Variants in DSCAM observed in about 807,000 individuals in gnomAD.
The protein encoded by DSCAM is DS cell adhesion molecule.
DSCAM carries 47 observed loss-of-function variants against 217.7 expected under a neutral mutation model. The ratio of observed to expected loss-of-function variants is 0.22; its 90% CI spans 0.17 to 0.28. DSCAM has a LOEUF of 0.28. Among genes scored for constraint, DSCAM ranks in the 10% least tolerant of loss-of-function variants. The probability of loss-of-function intolerance (pLI) is 1.00; values close to 1 mark genes in which losing one functional copy is unlikely to be tolerated. For synonymous variants in DSCAM, 1,056 were observed against 1,015.3 expected, an observed-to-expected ratio of 1.04 and a Z score of -0.76; for missense variants, 2,080 against 2,618.3, an observed-to-expected ratio of 0.79 and a Z score of 4.49.
chr21:40,117,001 C>CAAAAAAAAAAAAAAAAAAAA (rs534100380), intron 20 of DSCAM, among the ~76,000 whole-genome samples: 1 of 33,180 alleles, frequency 3.0e-5, no homozygotes, highest in African/African-American at 1.1e-4. Context: ...GACTCTGTCT[C>CAAAAAAAAAAAAAAAAAAAA]AAAAAAAAAA....
chr21:40,816,109 A>G (rs559649318), intron 1 of DSCAM, among the ~76,000 whole-genome samples: 4 of 152,328 alleles, frequency 2.6e-5, no homozygotes, highest in Non-Finnish European at 5.9e-5. Context: ...CAGCAAAATC[A>G]GTTTCTAAAA....
chr21:40,494,227 A>C (rs1004928066), intron 3 of DSCAM, among the ~76,000 whole-genome samples: 8 of 152,206 alleles, frequency 5.3e-5, no homozygotes, highest in Admixed American at 5.2e-4. Flanking sequence ...AAATGGATTA[A>C]ATTTTACAAC....
chr21:40,519,008 A>G (rs976358785), intron 3 of DSCAM, among the ~76,000 whole-genome samples: 4 of 152,146 alleles, frequency 2.6e-5, no homozygotes, highest in Admixed American at 2.0e-4. Context: ...TCATTTCTAA[A>G]TATACCAAGC....
In DSCAM at chr21:40,042,495, G is replaced by A. The variant is rs763398671; in HGVS notation, c.5562C>T (p.Tyr1854=). 6 of 1,614,090 alleles carry A rather than the reference G, an allele frequency of 3.7e-6. No individual in the cohort carries two copies. The highest frequency in any genetic ancestry group is 5.1e-6 in the Non-Finnish European group (6 of 1,180,048). The change falls in exon 32 of 33, where the codon TAC becomes TAT. Residue 1854 remains tyrosine, a synonymous_variant. Transcript: ENST00000400454. Reference sequence around the variant, plus strand: ...GGGTGCTGGAGGTCAGACTGTCCGTGTACTCATTTGTCCCTGCCGTCAACT... The same window carrying A: ...GGGTGCTGGAGGTCAGACTGTCCGTATACTCATTTGTCCCTGCCGTCAACT... ...SEQLTAGTNE[Y]TDSLTSSTPS...
rs185041170 is a variant in DSCAM at position 40,217,966 on chromosome 21, G to A, written c.2357-28728C>T. Among the ~76,000 whole-genome samples, 4 of 152,178 alleles carry A rather than the reference G, an allele frequency of 2.6e-5. No individual in the cohort carries two copies. The East Asian group carries it at 7.7e-4, about 29-fold the overall frequency. ...CATTCTGTAGGTTGTTTACTCTGTT[G>A]ATCATTTCTTTTGCTATGCAGAAGC... On this transcript the variant is annotated intron_variant, in intron 11 of 32. Coordinates refer to ENST00000400454, the MANE Select transcript of DSCAM (RefSeq NM_001389.5).
intron 11 of DSCAM, among the ~76,000 whole-genome samples, chr21:40,253,774 G>T (rs907694385): frequency 1.3e-5 from 2 of 152,266 alleles, no homozygotes; most frequent in Non-Finnish European, 2.9e-5. Flanking sequence ...CACAAGGCTG[G>T]AAGCTCCTGT....
At chr21:40,408,415 A>G (rs1241358351) in intron 3 of DSCAM, among the ~76,000 whole-genome samples, 2 of 152,140 alleles carry the variant, frequency 1.3e-5, no homozygotes, top group Non-Finnish European at 2.9e-5. Context: ...AAGGCTATTG[A>G]CAAACAATGT....
chr21:40,739,702 A>T (rs562359751), intron 1 of DSCAM, among the ~76,000 whole-genome samples: 2 of 152,268 alleles, frequency 1.3e-5, no homozygotes, highest in East Asian at 3.9e-4. Context: ...TAATTTTTTT[A>T]AAAGTACAGT....
intron 3 of DSCAM, among the ~76,000 whole-genome samples, chr21:40,405,452 T>C (rs558896449): frequency 1.3e-4 from 20 of 152,294 alleles, no homozygotes; most frequent in African/African-American, 4.6e-4. Flanking sequence ...GCAAATAATT[T>C]TTGTGTATTT....
intron 1 of DSCAM, among the ~76,000 whole-genome samples, chr21:40,813,989 G>A (rs1398761499): frequency 1.3e-5 from 2 of 152,052 alleles, no homozygotes; most frequent in Admixed American, 1.3e-4. Flanking sequence ...CTTTATGAGG[G>A]GTATGAGGCA....
chr21:40,167,388 T>C (rs2090609048), intron 15 of DSCAM, 100 bp from the exon 16 acceptor site: 1 of 1,003,526 alleles, frequency 1.0e-6, no homozygotes, highest in Non-Finnish European at 1.5e-6. Flanking sequence ...CCCATCCCTA[T>C]GTTTGGCACA....
At position 40,441,171 on chromosome 21, in the gene DSCAM, C is replaced by CA. The variant is rs538167678; in HGVS notation, c.509-71927dup. ...TAGACCAGATCTAGACCCTAGAGCC[C>CA]AGGTTCCAAGAAGGAGGAAGTGCCA... On this transcript the variant is annotated intron_variant, in intron 3 of 32. Coordinates refer to ENST00000400454, the MANE Select transcript of DSCAM (RefSeq NM_001389.5). Among the ~76,000 whole-genome samples the CA allele has an allele frequency of 1.5e-4, 23 of 152,228 alleles. No homozygotes were observed. In the South Asian group the frequency reaches 3.7e-3, roughly 25 times the overall value.
At chr21:40,489,541 G>A (rs543438584) in intron 3 of DSCAM, among the ~76,000 whole-genome samples, 3 of 152,070 alleles carry the variant, frequency 2.0e-5, no homozygotes, top group East Asian at 1.9e-4. Context: ...TTGGGAGGCC[G>A]AGGCGGGCGG....
intron 3 of DSCAM, among the ~76,000 whole-genome samples, chr21:40,543,627 G>C (rs148564236): frequency 6.6e-6 from 1 of 152,202 alleles, no homozygotes; most frequent in African/African-American, 2.4e-5. Context: ...AAATCTACAA[G>C]GGAAACTAAG....
intron 1 of DSCAM, among the ~76,000 whole-genome samples, chr21:40,771,995 C>T (rs561322652): frequency 6.6e-6 from 1 of 152,022 alleles, no homozygotes; most frequent in Non-Finnish European, 1.5e-5. Context: ...GGAAAGAGGC[C>T]ATGAAACATA....
rs1456838097 is a variant in DSCAM at position 40,042,724 on chromosome 21, G to A, written c.5384-51C>T. ...ACGGACGACTCACCATCAGAAGTCT[G>A]AACCAACGGCATGGCCCTTCCTGGC... On this transcript the variant is annotated intron_variant, in intron 31 of 32. Transcript: ENST00000400454. 1.6e-5 allele frequency: 25 copies of A among 1,524,914 alleles called. No homozygotes were observed. In the East Asian group the frequency reaches 5.7e-4, roughly 34 times the overall value. The allele number at this position is 1,524,914 out of a possible 1,614,324, so 94.5% of individuals were successfully genotyped here.
chr21:40,741,792 G>A (rs750292290), intron 1 of DSCAM, among the ~76,000 whole-genome samples: 3 of 152,180 alleles, frequency 2.0e-5, no homozygotes, highest in Admixed American at 6.5e-5. Flanking sequence ...TTTCCACCAG[G>A]TGATTCGAAT....
intron 32 of DSCAM, among the ~76,000 whole-genome samples, chr21:40,036,304 A>G (rs1391946486): frequency 6.7e-6 from 1 of 150,098 alleles, no homozygotes; most frequent in Non-Finnish European, 1.5e-5. Context: ...GAAGAATCAA[A>G]TAGATGCAAT....
intron 3 of DSCAM, among the ~76,000 whole-genome samples, chr21:40,517,724 TC>T (rs1010937019): frequency 3.3e-5 from 5 of 152,134 alleles, no homozygotes; most frequent in African/African-American, 1.2e-4. Flanking sequence ...TCCTCTCTGA[TC>T]CCCTCTTTGG....
Sources: allele counts gnomAD v4.1 joint callset (sites outside exome capture counted in the v4.1 genomes callset), GRCh38; gene constraint gnomAD v4.1.1; transcripts MANE v1.5; gene names NCBI Gene and HGNC (gene_info 2026-07-23, HGNC 2026-07-21).